Variants in KY observed in about 807,000 individuals in gnomAD.
The protein encoded by KY is kyphoscoliosis peptidase.
In KY, 43 loss-of-function variants were observed where a neutral mutation model predicts 76.1. That is an observed-to-expected ratio of 0.57 (90% CI 0.44 to 0.73). The LOEUF is 0.73. Among genes scored for constraint, KY ranks in the 30% least tolerant of loss-of-function variants. KY has a pLI of 0.00. For synonymous variants in KY, 277 were observed against 326.2 expected, an observed-to-expected ratio of 0.85 and a Z score of 1.63; for missense variants, 722 against 828.9, an observed-to-expected ratio of 0.87 and a Z score of 1.58.
At position 134,647,483 on chromosome 3, in the gene KY, CA is replaced by C; in HGVS notation, c.150del (p.Gly51GlufsTer10). 6.2e-7 allele frequency: 1 copy of C among 1,610,880 alleles called. No homozygotes were observed. The highest frequency in any genetic ancestry group is 8.5e-7 in the Non-Finnish European group (1 of 1,177,676). On this transcript the variant is annotated frameshift_variant, in exon 2 of 11. Coordinates refer to ENST00000423778, the MANE Select transcript of KY (RefSeq NM_178554.6). LOFTEE classifies it high-confidence loss of function. The part of the protein sequence containing the change: ...LLQRGGGFQG[V>X]GNGVRRWQKL... ...TTCTGCCATCTTCGGACTCCATTTC[CA>C]ACACCTTGGAATCCTGCAAAATAAC...
In KY at chr3:134,603,840, C is replaced by T. The variant is rs1467451999; in HGVS notation, c.1725G>A (p.Trp575Ter). Reference protein sequence around the residue: ...WPMFPESFGNWGQDNELLEPL... With the variant: ...WPMFPESFGN Reference sequence around the variant, plus strand: ...GTTCCAGCAGCTCATTGTCCTGTCCCCAGTTGCCAAAGCTCTCAGGGAACA... The same window carrying T: ...GTTCCAGCAGCTCATTGTCCTGTCCTCAGTTGCCAAAGCTCTCAGGGAACA... Residue 575 changes from tryptophan (W) to a stop codon, truncating the protein, a stop_gained, in exon 11 of 11, where the codon TGG becomes TGA. Transcript: ENST00000423778. LOFTEE classifies it high-confidence loss of function. 3 of 1,613,998 alleles carry T rather than the reference C, an allele frequency of 1.9e-6. No homozygotes were observed. Among genetic ancestry groups the T allele is most frequent in the Non-Finnish European group, 2.5e-6 (3 of 1,179,884 alleles).
At chr3:134,606,401 T>G (rs1280690453) in intron 10 of KY, among the ~76,000 whole-genome samples, 1 of 152,104 alleles carries the variant, frequency 6.6e-6, no homozygotes, top group African/African-American at 2.4e-5. Context: ...GCCACAACCC[T>G]TCATGCCTCA....
intron 5 of KY, among the ~76,000 whole-genome samples, chr3:134,626,435 C>T (rs920955859): frequency 2.0e-5 from 3 of 152,192 alleles, no homozygotes; most frequent in African/African-American, 7.2e-5. Context: ...TTCCTGGGAG[C>T]ATATCATGTT....
Position 134,608,720 on chromosome 3 carries a change from A to C in KY, c.1019T>G (p.Met340Arg). The C allele has an allele frequency of 1.2e-6, 2 of 1,614,042 alleles. No individual in the cohort carries two copies. Among genetic ancestry groups the C allele is most frequent in the South Asian group, 1.1e-5 (1 of 91,080 alleles). The change falls in exon 10 of 11, where the codon ATG becomes AGG. Residue 340 changes from methionine to arginine, a missense_variant. Met to Arg is a moderately conservative substitution (Grantham distance 91). Coordinates refer to ENST00000423778, the MANE Select transcript of KY (RefSeq NM_178554.6). ...PQSLRQFENN[M>R]YHKSEFYNKG... ...GTTGTAGAATTCACTCTTGTGATAC[A>C]TGTTGTTCTCAAACTGCCTCAGAGA...
intron 6 of KY, among the ~76,000 whole-genome samples, chr3:134,624,353 T>C (rs2107861359): frequency 6.6e-6 from 1 of 152,360 alleles, no homozygotes; most frequent in South Asian, 2.1e-4. Context: ...TCTGGCTTTC[T>C]TGATCCATGC....
At chr3:134,631,423 G>A (rs1164420301) in intron 3 of KY, among the ~76,000 whole-genome samples, 2 of 152,016 alleles carry the variant, frequency 1.3e-5, no homozygotes, top group Non-Finnish European at 2.9e-5. Flanking sequence ...TTATACCAGA[G>A]GAAAACTTGG....
chr3:134,649,086 A>G (rs978417484), intron 1 of KY, among the ~76,000 whole-genome samples: 1 of 152,222 alleles, frequency 6.6e-6, no homozygotes, highest in African/African-American at 2.4e-5. Context: ...ATCAAAAGCC[A>G]TGCACTTTTC....
At chr3:134,631,743 T>C (rs1964270529) in intron 3 of KY, among the ~76,000 whole-genome samples, 1 of 151,946 alleles carries the variant, frequency 6.6e-6, no homozygotes, top group Admixed American at 6.6e-5. Context: ...CAAATTTAAA[T>C]GTAATTCTGA....
At chr3:134,649,423 G>T (rs2108055203) in intron 1 of KY, among the ~76,000 whole-genome samples, 1 of 152,242 alleles carries the variant, frequency 6.6e-6, no homozygotes, top group South Asian at 2.1e-4. Flanking sequence ...GGGGACTCGT[G>T]GGCTGACCTG....
chr3:134,625,030 G>GT, intron 6 of KY, 23 bp downstream of exon 6: 1 of 1,572,948 alleles, frequency 6.4e-7, no homozygotes, highest in Non-Finnish European at 8.6e-7. Context: ...GGGGCCCATG[G>GT]TCAGAGCGGC....
At chr3:134,636,692 G>A (rs981521269) in intron 3 of KY, among the ~76,000 whole-genome samples, 3 of 152,230 alleles carry the variant, frequency 2.0e-5, no homozygotes, top group Non-Finnish European at 2.9e-5. Context: ...TGGTGAGCTC[G>A]TAAATGCTTA....
At chr3:134,634,578 A>G (rs918019968) in intron 3 of KY, among the ~76,000 whole-genome samples, 2 of 152,252 alleles carry the variant, frequency 1.3e-5, no homozygotes, top group Non-Finnish European at 2.9e-5. Context: ...ATCATCAGCC[A>G]TTAGGAAAAG....
intron 3 of KY, among the ~76,000 whole-genome samples, chr3:134,631,376 AG>A (rs1291057742): frequency 6.6e-6 from 1 of 152,344 alleles, no homozygotes; most frequent in East Asian, 1.9e-4. Flanking sequence ...TTGCTCCAAA[AG>A]AAATGCTAAC....
intron 3 of KY, among the ~76,000 whole-genome samples, chr3:134,634,488 T>G (rs1964656922): frequency 6.6e-6 from 1 of 152,062 alleles, no homozygotes. Context: ...ACAATTCAGT[T>G]GGAAAAAGGG....
At chr3:134,608,538 A>T (rs1959668794) in intron 10 of KY, 111 bp downstream of exon 10, 1 of 1,602,238 alleles carries the variant, frequency 6.2e-7, no homozygotes, top group African/African-American at 1.3e-5. Flanking sequence ...CTCACAAGCC[A>T]TGCGTCTGGA....
At chr3:134,633,273 T>C (rs1255370196) in intron 3 of KY, among the ~76,000 whole-genome samples, 4 of 152,092 alleles carry the variant, frequency 2.6e-5, no homozygotes, top group Non-Finnish European at 5.9e-5. Flanking sequence ...AGCATTAATC[T>C]GATATCAACA....
intron 8 of KY, among the ~76,000 whole-genome samples, chr3:134,614,320 G>A (rs1055717436): frequency 6.6e-6 from 1 of 152,010 alleles, no homozygotes; most frequent in Non-Finnish European, 1.5e-5. Context: ...CAGAATCTTC[G>A]CTTCTACTTT....
rs1319601438 is a variant in KY, at chr3:134,601,785, G to C, written c.*1794C>G. ...ACCCTTGTGAGCTGGTTCTGGGCTA[G>C]GCCACCGTGCTGGGTGGCAGTGGGG... On this transcript the variant is annotated 3_prime_UTR_variant, in exon 11 of 11. Transcript: ENST00000423778. Among the ~76,000 whole-genome samples the C allele has an allele frequency of 6.6e-6, 1 of 152,212 alleles. No individual in the cohort carries two copies. Among genetic ancestry groups the C allele is most frequent in the Admixed American group, 6.5e-5 (1 of 15,284 alleles).
chr3:134,633,275 A>G (rs564315532), intron 3 of KY, among the ~76,000 whole-genome samples: 1 of 152,256 alleles, frequency 6.6e-6, no homozygotes, highest in East Asian at 1.9e-4. Flanking sequence ...CATTAATCTG[A>G]TATCAACACA....
Sources: allele counts gnomAD v4.1 joint callset (sites outside exome capture counted in the v4.1 genomes callset), GRCh38; gene constraint gnomAD v4.1.1; transcripts MANE v1.5; gene names NCBI Gene and HGNC (gene_info 2026-07-23, HGNC 2026-07-21).